Variants in MGAT4C observed in about 807,000 individuals in gnomAD.
MGAT4C encodes the protein alpha-1,3-mannosyl-glycoprotein 4-beta-N-acetylglucosaminyltransferase C.
A neutral mutation model predicts 40.1 loss-of-function variants in MGAT4C; 19 were observed. The observed-to-expected ratio is 0.47, with a 90% confidence interval of 0.33 to 0.70. The LOEUF is 0.70. MGAT4C is among the 30% of genes least tolerant of loss of function. The pLI is 0.02. For synonymous variants in MGAT4C, 181 were observed against 187.1 expected, an observed-to-expected ratio of 0.97 and a Z score of 0.27; for missense variants, 491 against 563.2, an observed-to-expected ratio of 0.87 and a Z score of 1.30.
intron 2 of MGAT4C, among the ~76,000 whole-genome samples, chr12:86,639,379 G>C (rs1963313050): frequency 6.6e-6 from 1 of 151,464 alleles, no homozygotes. Context: ...CTTTGTATAA[G>C]TATTTTCTAT....
At chr12:86,778,373 C>T (rs1274466829) in intron 1 of MGAT4C, among the ~76,000 whole-genome samples, 6 of 152,146 alleles carry the variant, frequency 3.9e-5, no homozygotes, top group Admixed American at 6.5e-5. Context: ...ACAAAAGACA[C>T]ACAAGTACAC....
intron 4 of MGAT4C, among the ~76,000 whole-genome samples, chr12:86,308,003 A>C (rs1451490904): frequency 1.3e-5 from 2 of 150,416 alleles, no homozygotes; most frequent in East Asian, 3.9e-4. Flanking sequence ...GCGCCCGACC[A>C]TTTGGGTACA....
chr12:86,800,196 G>C (rs1289067466), intron 1 of MGAT4C, among the ~76,000 whole-genome samples: 1 of 151,788 alleles, frequency 6.6e-6, no homozygotes, highest in Admixed American at 6.6e-5. Flanking sequence ...TCCTTTTCCT[G>C]AGCCTCTGGC....
At chr12:86,124,279 T>G (rs1879903294) in intron 1 of MGAT4C, among the ~76,000 whole-genome samples, 1 of 152,164 alleles carries the variant, frequency 6.6e-6, no homozygotes, top group South Asian at 2.1e-4. Context: ...AAAGTTATAA[T>G]AAGCTGTAAA....
At chr12:86,093,062 GC>G (rs570835230) in intron 1 of MGAT4C, among the ~76,000 whole-genome samples, 44 of 151,708 alleles carry the variant, frequency 2.9e-4, no homozygotes, top group Non-Finnish European at 5.7e-4. Flanking sequence ...GTGTCCATGT[GC>G]CAATCACCCT....
chr12:86,232,139 AAG>A (rs1361523155), intron 1 of MGAT4C, among the ~76,000 whole-genome samples: 9 of 145,504 alleles, frequency 6.2e-5, no homozygotes, highest in Non-Finnish European at 1.1e-4. Context: ...TCTTCCAAAA[AAG>A]AAAAAAAAAA....
chr12:86,151,429 G>A (rs1884266650), intron 1 of MGAT4C, among the ~76,000 whole-genome samples: 4 of 152,040 alleles, frequency 2.6e-5, no homozygotes, highest in African/African-American at 4.8e-5. Context: ...TGGCTAACAC[G>A]GTGAAACCCC....
At position 85,979,949 on chromosome 12, in the gene MGAT4C, G is replaced by C. The variant is rs970146612; in HGVS notation, c.777C>G (p.Tyr259Ter). The C allele has an allele frequency of 2.5e-6, 4 of 1,613,846 alleles. No homozygotes were observed. Among genetic ancestry groups the C allele is most frequent in the Non-Finnish European group, 3.4e-6 (4 of 1,179,878 alleles). Residue 259 changes from tyrosine to a stop codon, truncating the protein, a stop_gained, in exon 5 of 5, where the codon TAC (tyrosine) becomes TAG (stop). Coordinates refer to ENST00000611864, the MANE Select transcript of MGAT4C (RefSeq NM_001351288.2). LOFTEE classifies it high-confidence loss of function. ...WVTLEFSKLG[Y>*]IGKLYHSHDL... ...CATGAGAATGATAGAGTTTACCAAT[G>C]TAGCCAAGCTTAGAGAATTCAAGAG...
chr12:86,510,080 C>G (rs1958545866), intron 2 of MGAT4C, among the ~76,000 whole-genome samples: 1 of 152,074 alleles, frequency 6.6e-6, no homozygotes, highest in Non-Finnish European at 1.5e-5. Flanking sequence ...TTGCCCTGGC[C>G]AGAACTTCCA....
At chr12:86,288,108 G>C (rs1953401979) in intron 4 of MGAT4C, among the ~76,000 whole-genome samples, 1 of 152,150 alleles carries the variant, frequency 6.6e-6, no homozygotes, top group Non-Finnish European at 1.5e-5. Flanking sequence ...CAGTGATGAT[G>C]AGCTTTTTTT....
chr12:86,774,608 C>A (rs1951721339), intron 1 of MGAT4C, among the ~76,000 whole-genome samples: 1 of 151,936 alleles, frequency 6.6e-6, no homozygotes, highest in Non-Finnish European at 1.5e-5. Context: ...ATCATGTTTG[C>A]ATCAGTGCAG....
intron 1 of MGAT4C, among the ~76,000 whole-genome samples, chr12:86,803,864 C>A (rs1952284947): frequency 6.6e-6 from 1 of 151,018 alleles, no homozygotes; most frequent in Admixed American, 6.6e-5. Context: ...GTGGTGATTC[C>A]TCAGGGATCT....
intron 1 of MGAT4C, among the ~76,000 whole-genome samples, chr12:86,160,108 T>C (rs1885428392): frequency 6.6e-6 from 1 of 152,080 alleles, no homozygotes; most frequent in South Asian, 2.1e-4. Context: ...TCTTTTTTTC[T>C]AGTTCCTTTA....
chr12:85,988,683 TAAC>T (rs1885534318), intron 3 of MGAT4C, among the ~76,000 whole-genome samples: 3 of 151,984 alleles, frequency 2.0e-5, no homozygotes, highest in Non-Finnish European at 2.9e-5. Flanking sequence ...GATGTGATGA[TAAC>T]AATAAGAAAA....
chr12:86,328,144 T>C lies in MGAT4C; in HGVS notation c.-57+5921A>G, dbSNP rs57236146. On this transcript the variant is annotated intron_variant, in intron 4 of 7. Transcript: ENST00000548651. ...TTTATAAATGTTTAATGTACCATTATATGTACCAATACCAATAATGTACCA... is the reference window on the plus strand; with the variant it reads ...TTTATAAATGTTTAATGTACCATTACATGTACCAATACCAATAATGTACCA... Among the ~76,000 whole-genome samples, 260 of 152,318 alleles carry C rather than the reference T, an allele frequency of 1.7e-3. 4 individuals are homozygous for C. The highest frequency in any genetic ancestry group is 5.9e-3 in the African/African-American group (244 of 41,584).
At chr12:86,075,778 C>T (rs1337644763) in intron 1 of MGAT4C, among the ~76,000 whole-genome samples, 2 of 152,226 alleles carry the variant, frequency 1.3e-5, no homozygotes, top group African/African-American at 2.4e-5. Context: ...AGCCCAAGCT[C>T]TGTGTTGCCC....
chr12:86,749,942 T>C (rs1042667197), intron 1 of MGAT4C, among the ~76,000 whole-genome samples: 1 of 151,782 alleles, frequency 6.6e-6, no homozygotes, highest in Non-Finnish European at 1.5e-5. Context: ...GGAGCAACTT[T>C]GGTCACCTTG....
At chr12:86,521,290 C>T (rs1043846043) in intron 2 of MGAT4C, among the ~76,000 whole-genome samples, 2 of 152,120 alleles carry the variant, frequency 1.3e-5, no homozygotes, top group Non-Finnish European at 2.9e-5. Context: ...CCTCGTTTTG[C>T]TAACCAGTTA....
chr12:86,411,702 G>A (rs1220664022), intron 3 of MGAT4C, among the ~76,000 whole-genome samples: 4 of 152,166 alleles, frequency 2.6e-5, no homozygotes, highest in Admixed American at 1.3e-4. Flanking sequence ...ATTTTCTGGA[G>A]AGGAATTAAA....
Sources: gnomAD v4.1 joint callset for allele counts (sites outside exome capture counted in the v4.1 genomes callset) on GRCh38, gnomAD v4.1.1 for gene constraint, MANE v1.5 for transcripts, NCBI Gene and HGNC (gene_info 2026-07-23, HGNC 2026-07-21) for gene names.